HACD2: variants seen among roughly 807,000 people sequenced by gnomAD.
HACD2 encodes the protein 3-hydroxyacyl-CoA dehydratase 2.
In HACD2, 15 loss-of-function variants were observed where a neutral mutation model predicts 31.0. The observed-to-expected ratio is 0.48, with a 90% CI of 0.32 to 0.75. The LOEUF (loss-of-function observed/expected upper bound fraction) is 0.75. HACD2 is among the 30% of genes least tolerant of loss of function. HACD2 has a pLI of 0.03. For synonymous variants in HACD2, 115 were observed against 122.2 expected, an observed-to-expected ratio of 0.94 and a Z score of 0.39; for missense variants, 283 against 313.0, an observed-to-expected ratio of 0.90 and a Z score of 0.72.
At chr3:123,523,525 G>C (rs1472969523) in intron 4 of HACD2, among the ~76,000 whole-genome samples, 1 of 152,164 alleles carries the variant, frequency 6.6e-6, no homozygotes, top group Non-Finnish European at 1.5e-5. Context: ...TTGGCAAGTT[G>C]AAGTGCTTCA....
At chr3:123,513,198 T>C (rs1446945243) in intron 4 of HACD2, among the ~76,000 whole-genome samples, 1 of 152,208 alleles carries the variant, frequency 6.6e-6, no homozygotes, top group South Asian at 2.1e-4. Flanking sequence ...CAGGAATTCA[T>C]GAGTCCAAAC....
chr3:123,544,015 C>A (rs1054315740), intron 3 of HACD2, among the ~76,000 whole-genome samples: 3 of 152,060 alleles, frequency 2.0e-5, no homozygotes, highest in African/African-American at 7.2e-5. Flanking sequence ...GGCAAAAGAT[C>A]CAAGAAGGAT....
At chr3:123,569,090 G>A (rs1229848198) in intron 2 of HACD2, among the ~76,000 whole-genome samples, 1 of 152,142 alleles carries the variant, frequency 6.6e-6, no homozygotes, top group Non-Finnish European at 1.5e-5. Flanking sequence ...CTCAATTTGT[G>A]GGGGAGGGAT....
intron 4 of HACD2, among the ~76,000 whole-genome samples, chr3:123,503,303 C>A (rs2055929489): frequency 6.6e-6 from 1 of 151,034 alleles, no homozygotes; most frequent in African/African-American, 2.4e-5. Flanking sequence ...GAGGCTAGCT[C>A]ACAGAGCAAG....
intron 3 of HACD2, among the ~76,000 whole-genome samples, chr3:123,536,071 A>G (rs1335568979): frequency 6.6e-6 from 1 of 152,222 alleles, no homozygotes. Flanking sequence ...TTTTATATAA[A>G]GGAAGAATTT....
chr3:123,523,403 T>C (rs192132551), intron 4 of HACD2, among the ~76,000 whole-genome samples: 1 of 152,214 alleles, frequency 6.6e-6, no homozygotes, highest in Non-Finnish European at 1.5e-5. Context: ...TCTCTCTCGA[T>C]AACTGCCACC....
At chr3:123,569,988 C>CAAAAAAAAAAAAAAA (rs55844728) in intron 2 of HACD2, among the ~76,000 whole-genome samples, 7 of 38,714 alleles carry the variant, frequency 1.8e-4, no homozygotes, top group Non-Finnish European at 3.0e-4. Context: ...CACTCCATCT[C>CAAAAAAAAAAAAAAA]AAAAAAAAAA....
chr3:123,562,458 G>T (rs1483009920), intron 3 of HACD2, among the ~76,000 whole-genome samples: 1 of 152,162 alleles, frequency 6.6e-6, no homozygotes, highest in Non-Finnish European at 1.5e-5. Context: ...TTAAGAATAT[G>T]AAAGAGTTAC....
chr3:123,517,360 C>T (rs2056150729), intron 4 of HACD2, among the ~76,000 whole-genome samples: 1 of 152,162 alleles, frequency 6.6e-6, no homozygotes, highest in African/African-American at 2.4e-5. Context: ...ATTTGCTCAC[C>T]TCCAAAAAGC....
At chr3:123,559,516 G>C (rs2056705568) in intron 3 of HACD2, among the ~76,000 whole-genome samples, 1 of 152,198 alleles carries the variant, frequency 6.6e-6, no homozygotes, top group Non-Finnish European at 1.5e-5. Flanking sequence ...ACGAGTGGCT[G>C]TAAGGAATGA....
chr3:123,502,728 A>G, intron 4 of HACD2, 47 bp from the exon 5 acceptor site: 1 of 1,555,316 alleles, frequency 6.4e-7, no homozygotes, highest in Non-Finnish European at 8.7e-7. Context: ...AGACAACGTT[A>G]ATGAAGACAG....
chr3:123,556,634 TC>T (rs2056675542), intron 3 of HACD2, among the ~76,000 whole-genome samples: 2 of 152,086 alleles, frequency 1.3e-5, no homozygotes, highest in Admixed American at 1.3e-4. Context: ...AATTTAAAAA[TC>T]TGTGCTTCCT....
At chr3:123,527,793 TA>T (rs1158639917) in intron 4 of HACD2, among the ~76,000 whole-genome samples, 1 of 152,256 alleles carries the variant, frequency 6.6e-6, no homozygotes, top group Non-Finnish European at 1.5e-5. Context: ...CAGGGCATGA[TA>T]AATGCTTAGT....
In HACD2 at chr3:123,563,196, T is replaced by C. The variant is rs546868279; in HGVS notation, c.292+4566A>G. Among the ~76,000 whole-genome samples the C allele has an allele frequency of 5.9e-5, 9 of 152,202 alleles. No homozygotes were observed. The South Asian group carries it at 1.7e-3, about 28-fold the overall frequency. On this transcript the variant is annotated intron_variant, in intron 3 of 6. Coordinates refer to ENST00000383657, the MANE Select transcript of HACD2 (RefSeq NM_198402.5). ...GGTGTCAGACCACACACATAATACA[T>C]TGTGAAGGTATAATACCGAGTTAGG...
At chr3:123,531,735 T>C (rs975714127) in intron 3 of HACD2, among the ~76,000 whole-genome samples, 1 of 152,350 alleles carries the variant, frequency 6.6e-6, no homozygotes, top group African/African-American at 2.4e-5. Context: ...CTGTTTATAT[T>C]GTTTTTGCTT....
At chr3:123,576,954 C>T (rs2056913878) in intron 2 of HACD2, among the ~76,000 whole-genome samples, 1 of 152,184 alleles carries the variant, frequency 6.6e-6, no homozygotes, top group African/African-American at 2.4e-5. Context: ...CAGGAACACA[C>T]AGATGAGGCT....
intron 4 of HACD2, among the ~76,000 whole-genome samples, chr3:123,524,348 T>G (rs1429766046): frequency 6.6e-6 from 1 of 152,184 alleles, no homozygotes; most frequent in Non-Finnish European, 1.5e-5. Flanking sequence ...CTGGTCCAAA[T>G]AGTGCATACA....
chr3:123,563,622 T>C (rs1181329583), intron 3 of HACD2, among the ~76,000 whole-genome samples: 1 of 148,814 alleles, frequency 6.7e-6, no homozygotes, highest in African/African-American at 2.5e-5. Flanking sequence ...TCTTCTTTTT[T>C]GAATTGACAA....
At chr3:123,502,836 G>A in intron 4 of HACD2, 155 bp from the exon 5 acceptor site, 1 of 701,082 alleles carries the variant, frequency 1.4e-6, no homozygotes, top group Admixed American at 2.9e-5. Flanking sequence ...GTGTAGAGCT[G>A]GGGCCTAGGA....
Sources: gnomAD v4.1 joint callset for allele counts (sites outside exome capture counted in the v4.1 genomes callset) on GRCh38, gnomAD v4.1.1 for gene constraint, MANE v1.5 for transcripts, NCBI Gene and HGNC (gene_info 2026-07-23, HGNC 2026-07-21) for gene names.